The following HDAC9 variants were observed in gnomAD, a reference collection of about 807,000 sequenced individuals.
HDAC9 encodes MEF-2 interacting transcription repressor (MITR) protein.
Under a neutral mutation model 139.4 loss-of-function variants are expected in HDAC9, and 41 were observed. That is an observed-to-expected ratio of 0.29 (90% CI 0.23 to 0.38). The LOEUF is 0.38. HDAC9 is among the 10% of genes least tolerant of loss of function. The probability of loss-of-function intolerance (pLI) is 1.00; values close to 1 mark genes in which losing one functional copy is unlikely to be tolerated. For missense variants in HDAC9, 1,147 were observed against 1,297.0 expected, an observed-to-expected ratio of 0.88 and a Z score of 1.78; for synonymous variants, 517 against 476.2, an observed-to-expected ratio of 1.09 and a Z score of -1.12.
In HDAC9 at chr7:18,239,953, G is replaced by GTT. The variant is rs34044255; in HGVS notation, c.25+77620_25+77621dup. Among the ~76,000 whole-genome samples, 1,078 of 132,936 alleles carry GTT rather than the reference G, an allele frequency of 8.1e-3. 13 individuals are homozygous for GTT. The highest frequency in any genetic ancestry group is 0.024 in the African/African-American group (886 of 36,298). The allele number at this position is 132,936 out of a possible 152,430, so 87.2% of individuals were successfully genotyped here. A position where few individuals can be genotyped will look rare whatever the true frequency, so the allele number is the denominator to read the frequency against. On this transcript the variant is annotated intron_variant, in intron 2 of 12. Coordinates refer to the HDAC9 transcript ENST00000417496. Reference sequence around the variant, plus strand: ...GCCTTTCCTGTGATAGGTGCTGCATGTTTTTTTTTTTTTTTTTCTGGATAA... The same window carrying GTT: ...GCCTTTCCTGTGATAGGTGCTGCATGTTTTTTTTTTTTTTTTTTTCTGGATAA...
intron 1 of HDAC9, among the ~76,000 whole-genome samples, chr7:18,486,417 A>G (rs1326785548): frequency 6.6e-6 from 1 of 152,110 alleles, no homozygotes; most frequent in Non-Finnish European, 1.5e-5. Flanking sequence ...ACCATGTAGG[A>G]TCTCTTTAAA....
At chr7:18,760,790 G>T (rs11764116) in intron 14 of HDAC9, among the ~76,000 whole-genome samples, 35,287 of 152,086 alleles carry the variant, frequency 0.23, 4,691 homozygotes, top group East Asian at 0.63. Flanking sequence ...AGCACAGCTC[G>T]GCCTCCGGCC....
chr7:18,602,924 G>T (rs1468754058), intron 6 of HDAC9, among the ~76,000 whole-genome samples: 7 of 152,038 alleles, frequency 4.6e-5, no homozygotes, highest in Non-Finnish European at 8.8e-5. Context: ...TAATAGGTTT[G>T]TCTATTTGTC....
chr7:18,843,531 G>T (rs1796718212), intron 21 of HDAC9, among the ~76,000 whole-genome samples: 1 of 152,066 alleles, frequency 6.6e-6, no homozygotes, highest in Non-Finnish European at 1.5e-5. Context: ...CATAGTTCTA[G>T]TGAATATTTT....
chr7:18,135,255 C>CT lies in HDAC9; in HGVS notation c.-96-26958dup, dbSNP rs145963913. 9.8e-3 allele frequency among the ~76,000 whole-genome samples: 1,269 copies of CT among 129,466 alleles called. 7 individuals carry two copies. Among genetic ancestry groups the CT allele is most frequent in the Non-Finnish European group, 0.016 (917 of 58,390 alleles). The allele number at this position is 129,466 out of a possible 152,430, so 84.9% of individuals were successfully genotyped here. A position where few individuals can be genotyped will look rare whatever the true frequency, so the allele number is the denominator to read the frequency against. Reference sequence around the variant, plus strand: ...TGTGTTTGTTTGCAAAAATTTCTTTCTTTTTTTTTTTTTTTTAAAAAGGTA... The same window carrying CT: ...TGTGTTTGTTTGCAAAAATTTCTTTCTTTTTTTTTTTTTTTTTAAAAAGGTA... On this transcript the variant is annotated intron_variant, in intron 1 of 12. Transcript: ENST00000417496.
chr7:18,824,069 G>GAAGAAGAAGAAGAAGAAGAAGAAGAAA (rs1562966463), intron 17 of HDAC9, among the ~76,000 whole-genome samples: 7 of 150,340 alleles, frequency 4.7e-5, no homozygotes, highest in African/African-American at 1.7e-4. Context: ...AGAAGAAGAA[G>GAAGAAGAAGAAGAAGAAGAAGAAGAAA]AAGAAGAAGA....
intron 11 of HDAC9, among the ~76,000 whole-genome samples, chr7:18,652,560 T>C (rs1038875373): frequency 5.9e-5 from 9 of 151,830 alleles, no homozygotes; most frequent in African/African-American, 1.4e-4. Context: ...AAAATCTCTT[T>C]AGGCATTTTT....
At chr7:18,982,999 G>A (rs1170316573) in intron 25 of HDAC9, among the ~76,000 whole-genome samples, 2 of 152,128 alleles carry the variant, frequency 1.3e-5, no homozygotes, top group African/African-American at 4.8e-5. Flanking sequence ...ACCATGTTAA[G>A]TGTTCAGTAC....
chr7:18,262,138 A>G (rs1271327016), intron 2 of HDAC9, among the ~76,000 whole-genome samples: 1 of 152,234 alleles, frequency 6.6e-6, no homozygotes, highest in Non-Finnish European at 1.5e-5. Flanking sequence ...AAAGCAATTA[A>G]CTGCAAAGGG....
At chr7:18,124,286 G>C (rs1048045554) in intron 1 of HDAC9, among the ~76,000 whole-genome samples, 3 of 152,142 alleles carry the variant, frequency 2.0e-5, no homozygotes, top group African/African-American at 7.2e-5. Flanking sequence ...CTTCCATACA[G>C]CAATAGCCTA....
intron 24 of HDAC9, among the ~76,000 whole-genome samples, chr7:18,958,084 GT>G (rs778539421): frequency 2.6e-5 from 4 of 152,120 alleles, no homozygotes; most frequent in Non-Finnish European, 5.9e-5. Flanking sequence ...CCACATGTAT[GT>G]GAATATTTTC....
intron 2 of HDAC9, among the ~76,000 whole-genome samples, chr7:18,516,371 CTT>C (rs1210081145): frequency 1.3e-5 from 2 of 152,240 alleles, no homozygotes; most frequent in Non-Finnish European, 2.9e-5. Flanking sequence ...TCACTTGAGT[CTT>C]TGGTATGTTC....
At chr7:18,300,257 C>T (rs1798449420) in intron 1 of HDAC9, among the ~76,000 whole-genome samples, 1 of 151,532 alleles carries the variant, frequency 6.6e-6, no homozygotes, top group Admixed American at 6.6e-5. Flanking sequence ...TGGCCCAAGA[C>T]AGTTCTTCCA....
At chr7:18,220,789 TAGCTC>T (rs1487109355) in intron 2 of HDAC9, among the ~76,000 whole-genome samples, 1 of 152,134 alleles carries the variant, frequency 6.6e-6, no homozygotes, top group Non-Finnish European at 1.5e-5. Flanking sequence ...GTCTCTGTCG[TAGCTC>T]AGATGTGGGA....
At chr7:18,612,905 G>A (rs527430855) in intron 6 of HDAC9, among the ~76,000 whole-genome samples, 120 of 151,848 alleles carry the variant, frequency 7.9e-4, no homozygotes, top group Non-Finnish European at 1.3e-3. Context: ...AAGTTTCTGA[G>A]TTTTAAAAAT....
At chr7:18,514,577 G>A (rs1268091962) in intron 2 of HDAC9, among the ~76,000 whole-genome samples, 3 of 152,218 alleles carry the variant, frequency 2.0e-5, no homozygotes, top group African/African-American at 7.2e-5. Context: ...ATTAATTGCT[G>A]CAGGTCAGCT....
chr7:18,503,546 A>G (rs1053105403), intron 2 of HDAC9, among the ~76,000 whole-genome samples: 1 of 152,228 alleles, frequency 6.6e-6, no homozygotes, highest in Non-Finnish European at 1.5e-5. Context: ...ATTCATTATC[A>G]TAATGTTAAC....
intron 22 of HDAC9, among the ~76,000 whole-genome samples, chr7:18,902,945 G>T (rs1257367052): frequency 6.6e-6 from 1 of 152,114 alleles, no homozygotes. Context: ...ATTTACATAT[G>T]GCATTGTGCT....
At chr7:18,231,831 C>T (rs1182405771) in intron 2 of HDAC9, among the ~76,000 whole-genome samples, 3 of 152,166 alleles carry the variant, frequency 2.0e-5, no homozygotes, top group Non-Finnish European at 4.4e-5. Context: ...TGAAGTACTA[C>T]TCGATTTGAG....
Sources: gnomAD v4.1 joint callset for allele counts (sites outside exome capture counted in the v4.1 genomes callset) on GRCh38, gnomAD v4.1.1 for gene constraint, MANE v1.5 for transcripts, NCBI Gene and HGNC (gene_info 2026-07-23, HGNC 2026-07-21) for gene names.